RIC1: variants seen among roughly 807,000 people sequenced by gnomAD.
The protein encoded by RIC1 is RIC1 partner of RAB6A GEF complex.
A neutral mutation model predicts 169.0 loss-of-function variants in RIC1; 88 were observed. The observed-to-expected ratio is 0.52, with a 90% CI of 0.44 to 0.62. The LOEUF is 0.62. Among genes scored for constraint, RIC1 ranks in the 20% least tolerant of loss-of-function variants. RIC1 has a pLI of 0.00. For missense variants in RIC1, 1,877 were observed against 1,725.5 expected (o/e 1.09, Z -1.56); for synonymous variants, 790 against 601.5 (o/e 1.31, Z -4.59).
chr9:5,664,403 C>G (rs973003147), intron 2 of RIC1, among the ~76,000 whole-genome samples: 24 of 151,386 alleles, frequency 1.6e-4, no homozygotes, highest in Non-Finnish European at 3.5e-4. Context: ...CGGAGCGAGA[C>G]TCTGTCAAAA....
At chr9:5,631,887 G>A (rs893695142) in intron 1 of RIC1, among the ~76,000 whole-genome samples, 1 of 151,892 alleles carries the variant, frequency 6.6e-6, no homozygotes, top group African/African-American at 2.4e-5. Context: ...AAGTTAATTA[G>A]GTTAACAAAC....
chr9:5,720,297 T>G lies in RIC1; in HGVS notation c.556T>G (p.Phe186Val). 6.2e-7 allele frequency: 1 copy of G among 1,613,214 alleles called. No individual in the cohort carries two copies. Among genetic ancestry groups the G allele is most frequent in the South Asian group, 1.1e-5 (1 of 90,902 alleles). ...RKAINLCTVP[F>V]SVDLQSSRVG... The stretch of plus-strand genomic sequence containing the variant: ...AGCCATTAATCTTTGCACAGTACCC[T>G]TTTCAGTAGACCTGCAGTCATCTAG... Residue 186 changes from phenylalanine to valine, a missense_variant, in exon 5 of 26, where the codon TTT becomes GTT. Physicochemically the swap from Phe to Val is conservative, Grantham distance 50 (BLOSUM62 -1). Coordinates refer to ENST00000414202, the MANE Select transcript of RIC1 (RefSeq NM_020829.4).
At chr9:5,764,019 T>A in intron 19 of RIC1, 151 bp downstream of exon 19, 1 of 878,468 alleles carries the variant, frequency 1.1e-6, no homozygotes, top group Non-Finnish European at 1.7e-6. Flanking sequence ...TCAGACAGAT[T>A]CCTTTGAATA....
intron 17 of RIC1, among the ~76,000 whole-genome samples, chr9:5,761,104 C>CATTT (rs1174592787): frequency 1.1e-5 from 1 of 94,668 alleles, no homozygotes; most frequent in East Asian, 3.4e-4. Flanking sequence ...CCAGCCTCAC[C>CATTT]TTTTTTTTTT....
At chr9:5,702,432 G>C (rs559394983) in intron 3 of RIC1, among the ~76,000 whole-genome samples, 2 of 152,358 alleles carry the variant, frequency 1.3e-5, no homozygotes, top group South Asian at 4.1e-4. Context: ...AGAAGGAGAA[G>C]GGGAAGCAGG....
chr9:5,685,864 T>C (rs28832634), intron 2 of RIC1, among the ~76,000 whole-genome samples: 17,125 of 101,020 alleles, frequency 0.17, 1,923 homozygotes, highest in East Asian at 0.38. Flanking sequence ...AGAAAATTTT[T>C]GCAACCTACT....
At chr9:5,658,334 A>T (rs1819232559) in intron 2 of RIC1, among the ~76,000 whole-genome samples, 1 of 152,136 alleles carries the variant, frequency 6.6e-6, no homozygotes, top group South Asian at 2.1e-4. Context: ...ACTGAAGGTT[A>T]AGTTAGAAGA....
intron 2 of RIC1, among the ~76,000 whole-genome samples, chr9:5,680,518 A>C (rs867779024): frequency 3.3e-5 from 5 of 152,044 alleles, no homozygotes; most frequent in Non-Finnish European, 5.9e-5. Context: ...TCAATTTCAG[A>C]GCCTGTTATT....
At chr9:5,649,930 A>C (rs762306847) in intron 1 of RIC1, among the ~76,000 whole-genome samples, 1 of 151,966 alleles carries the variant, frequency 6.6e-6, no homozygotes, top group African/African-American at 2.4e-5. Flanking sequence ...TATTTTTCAT[A>C]TGACCTTTTT....
intron 2 of RIC1, among the ~76,000 whole-genome samples, chr9:5,683,026 A>G (rs1055316910): frequency 6.6e-5 from 10 of 152,006 alleles, no homozygotes; most frequent in African/African-American, 1.4e-4. Context: ...AGGTCCTTTA[A>G]GGACTTCTCT....
At chr9:5,685,692 T>A (rs1033418183) in intron 2 of RIC1, among the ~76,000 whole-genome samples, 1,710 of 150,504 alleles carry the variant, frequency 0.011, 32 homozygotes, top group African/African-American at 0.04. Flanking sequence ...AACCTAGGCA[T>A]TACCATTCAG....
intron 1 of RIC1, among the ~76,000 whole-genome samples, chr9:5,634,350 T>C (rs1303230344): frequency 2.0e-5 from 3 of 152,212 alleles, no homozygotes; most frequent in Non-Finnish European, 4.4e-5. Flanking sequence ...GTCAATAGTG[T>C]ACAGGGAGGG....
At chr9:5,653,243 T>A (rs1164426602) in intron 1 of RIC1, among the ~76,000 whole-genome samples, 1 of 152,036 alleles carries the variant, frequency 6.6e-6, no homozygotes, top group Non-Finnish European at 1.5e-5. Flanking sequence ...GGCATATATT[T>A]GTGTGTGTCT....
At chr9:5,720,880 C>A in intron 6 of RIC1, 130 bp downstream of exon 6, 1 of 796,904 alleles carries the variant, frequency 1.3e-6, no homozygotes, top group Admixed American at 2.9e-5. Flanking sequence ...TCAAACCAAA[C>A]ATATAAATAG....
chr9:5,768,644 T>C (rs1252101205), intron 21 of RIC1, among the ~76,000 whole-genome samples: 1 of 152,224 alleles, frequency 6.6e-6, no homozygotes, highest in African/African-American at 2.4e-5. Context: ...TTCCCTCTTT[T>C]CATTGGGCTT....
At chr9:5,679,680 A>T (rs1350830718) in intron 2 of RIC1, among the ~76,000 whole-genome samples, 1 of 152,230 alleles carries the variant, frequency 6.6e-6, no homozygotes, top group Non-Finnish European at 1.5e-5. Context: ...TGATTTTTGC[A>T]CATTGATTTT....
Position 5,769,147 on chromosome 9 carries a change from C to A in RIC1, c.3315C>A (p.Asp1105Glu). Residue 1105 changes from aspartate (D) to glutamate (E), a missense_variant, in exon 22 of 26, where the codon GAC becomes GAA. By Grantham distance (45) the Asp-to-Glu change is conservative (BLOSUM62 2). This residue lies in a region of RIC1 where 681 missense variants were observed against 582.0 expected (regional missense o/e 1.17). Transcript: ENST00000414202. ...AACGTACCCGAGCCGCCCGGGTAGA[C>A]AACTTTGTAATAGCCCTGAAGAGAC... is the stretch of plus-strand genomic sequence containing the variant. The part of the protein sequence containing the change: ...CKERTRAARV[D>E]NFVIALKRLH... 1.2e-6 allele frequency: 2 copies of A among 1,614,166 alleles called. No individual in the cohort carries two copies. The highest frequency in any genetic ancestry group is 1.7e-6 in the Non-Finnish European group (2 of 1,180,010).
chr9:5,734,700 T>A (rs1824589520), intron 7 of RIC1, among the ~76,000 whole-genome samples: 1 of 152,152 alleles, frequency 6.6e-6, no homozygotes, highest in African/African-American at 2.4e-5. Flanking sequence ...TGCTACTTCC[T>A]AGTCACAACT....
At chr9:5,771,814 C>T (rs569856612) in intron 23 of RIC1, among the ~76,000 whole-genome samples, 1 of 152,158 alleles carries the variant, frequency 6.6e-6, no homozygotes, top group African/African-American at 2.4e-5. Flanking sequence ...CTCCCTCCCC[C>T]ATGTGGCCGT....
Sources: allele counts gnomAD v4.1 joint callset (sites outside exome capture counted in the v4.1 genomes callset), GRCh38; gene constraint gnomAD v4.1.1; regional missense constraint gnomAD v4.1.1; transcripts MANE v1.5; gene names NCBI Gene and HGNC (gene_info 2026-07-23, HGNC 2026-07-21).